IFT88: variants seen among roughly 807,000 people sequenced by gnomAD.
IFT88 encodes the protein intraflagellar transport protein 88 homolog.
IFT88 carries 74 observed loss-of-function variants against 119.5 expected under a neutral mutation model. The ratio of observed to expected loss-of-function variants is 0.62; its 90% CI spans 0.51 to 0.75. IFT88 has a LOEUF of 0.75. Among genes scored for constraint, IFT88 ranks in the 30% least tolerant of loss-of-function variants. IFT88 has a pLI of 0.00. For missense variants in IFT88, 961 were observed against 977.7 expected (o/e 0.98, Z 0.23); for synonymous variants, 279 against 316.7 (o/e 0.88, Z 1.26).
chr13:20,636,371 C>T (rs948158826), intron 16 of IFT88, among the ~76,000 whole-genome samples: 19 of 152,206 alleles, frequency 1.2e-4, no homozygotes, highest in African/African-American at 4.6e-4. Context: ...TTATTTTCTA[C>T]CTTAGCAAGT....
intron 16 of IFT88, chr13:20,631,913 G>A (rs1022371274): frequency 8.5e-5 from 13 of 152,154 alleles, no homozygotes; most frequent in Admixed American, 7.9e-4. Flanking sequence ...TTGGGAGGCT[G>A]AGGTGTGTGA....
intron 3 of IFT88, among the ~76,000 whole-genome samples, chr13:20,589,151 T>TA (rs1007197207): frequency 2.9e-4 from 44 of 151,442 alleles, no homozygotes; most frequent in African/African-American, 1.0e-3. Flanking sequence ...TATTCACACT[T>TA]AAAAAAAAAT....
intron 14 of IFT88, among the ~76,000 whole-genome samples, chr13:20,618,962 T>C (rs574068279): frequency 2.0e-5 from 3 of 151,984 alleles, no homozygotes; most frequent in Non-Finnish European, 4.4e-5. Flanking sequence ...GTCCACGCTA[T>C]TCTCCTGCCT....
intron 15 of IFT88, among the ~76,000 whole-genome samples, chr13:20,630,598 G>A (rs977126100): frequency 1.3e-5 from 2 of 151,654 alleles, no homozygotes; most frequent in African/African-American, 4.8e-5. Context: ...AGAGTCTCAC[G>A]CCTATGCCCA....
chr13:20,582,126 A>T (rs926061404), intron 2 of IFT88, among the ~76,000 whole-genome samples: 4 of 152,166 alleles, frequency 2.6e-5, no homozygotes, highest in African/African-American at 9.7e-5. Context: ...CTGAAGGGTT[A>T]AAGCCGGAGT....
intron 22 of IFT88, among the ~76,000 whole-genome samples, chr13:20,656,973 C>T (rs1436547655): frequency 1.3e-5 from 2 of 152,144 alleles, no homozygotes; most frequent in African/African-American, 2.4e-5. Flanking sequence ...ATTCTCCTGC[C>T]TCAGCCTCCC....
chr13:20,597,684 C>T lies in IFT88; in HGVS notation c.594+565C>T, dbSNP rs867566385. Reference sequence around the variant, plus strand: ...GCGTGAACCCGGGAGGCGGAGCTTGCGGCGAGCCAAGATCTTGCCACCACA... The same window carrying T: ...GCGTGAACCCGGGAGGCGGAGCTTGTGGCGAGCCAAGATCTTGCCACCACA... On this transcript the variant is annotated intron_variant, in intron 9 of 25. Transcript: ENST00000351808. 1.3e-3 allele frequency among the ~76,000 whole-genome samples: 198 copies of T among 151,262 alleles called. 2 individuals are homozygous for T. Among genetic ancestry groups the T allele is most frequent in the African/African-American group, 4.2e-3 (175 of 41,260 alleles).
rs183911276 is a variant in IFT88, at chr13:20,639,466, G to A, written c.1573+948G>A. On this transcript the variant is annotated intron_variant, in intron 17 of 25. Transcript: ENST00000351808. ...TTAATCTCCTGCCTGAAGGAGGAGGGAAGGCCTACTGCCAACCTTGAAGAA... is the reference window on the plus strand; with the variant it reads ...TTAATCTCCTGCCTGAAGGAGGAGGAAAGGCCTACTGCCAACCTTGAAGAA... Among the ~76,000 whole-genome samples, 571 of 152,268 alleles carry A rather than the reference G, an allele frequency of 3.7e-3. 4 individuals carry two copies. Among genetic ancestry groups the A allele is most frequent in the Middle Eastern group, 6.8e-3 (2 of 294 alleles).
At chr13:20,603,216 A>G (rs932113385) in intron 12 of IFT88, among the ~76,000 whole-genome samples, 1 of 152,006 alleles carries the variant, frequency 6.6e-6, no homozygotes, top group South Asian at 2.1e-4. Context: ...TGAACTTTTA[A>G]TAGATTTTCT....
chr13:20,644,040 G>T (rs1258587018), intron 19 of IFT88, among the ~76,000 whole-genome samples: 1 of 152,052 alleles, frequency 6.6e-6, no homozygotes, highest in Non-Finnish European at 1.5e-5. Context: ...ACCACGCCAG[G>T]CCTGAAGTTA....
chr13:20,596,175 G>C lies in IFT88; in HGVS notation c.424G>C (p.Glu142Gln). 2 of 1,548,012 alleles carry C rather than the reference G, an allele frequency of 1.3e-6. No homozygotes were observed. Among genetic ancestry groups the C allele is most frequent in the Non-Finnish European group, 1.8e-6 (2 of 1,138,488 alleles). ...DSPEEKIKQL[E>Q]KEVNELVEES... ...CCCAGAGGAAAAAATAAAGCAATTA[G>C]AGAAGGAAGTAAATGAGTTGGTAGA... Residue 142 changes from glutamate (E) to glutamine (Q), a missense_variant, in exon 8 of 26, where the codon GAG becomes CAG. By Grantham distance (29) the Glu-to-Gln change is conservative. Coordinates refer to ENST00000351808, the MANE Select transcript of IFT88 (RefSeq NM_006531.5).
chr13:20,691,092 C>T lies in IFT88; in HGVS notation c.2392C>T (p.Arg798Ter), dbSNP rs751249957. 1 of 1,613,886 alleles carries T rather than the reference C, an allele frequency of 6.2e-7. No homozygotes were observed. Among genetic ancestry groups the T allele is most frequent in the Non-Finnish European group, 8.5e-7 (1 of 1,179,890 alleles). ...GGACCCACTTGGCCCTCAAATAGAA[C>T]GACCAAAAACTGCAGCCAAGAAAAG... is the stretch of plus-strand genomic sequence containing the variant. ...YVDPLGPQIE[R>*]PKTAAKKRID... The change falls in exon 26 of 26, where the codon CGA (arginine) becomes TGA (stop). Residue 798 changes from arginine (R) to a stop codon, truncating the protein, a stop_gained. Transcript: ENST00000351808. LOFTEE classifies it high-confidence loss of function.
At chr13:20,616,042 A>G (rs1251829200) in intron 14 of IFT88, among the ~76,000 whole-genome samples, 163 bp downstream of exon 14, 4 of 152,234 alleles carry the variant, frequency 2.6e-5, no homozygotes, top group African/African-American at 9.6e-5. Flanking sequence ...CTATTATAAA[A>G]GTTATTAATA....
intron 24 of IFT88, among the ~76,000 whole-genome samples, chr13:20,684,731 C>T (rs376973665): frequency 1.3e-5 from 2 of 152,356 alleles, no homozygotes; most frequent in East Asian, 1.9e-4. Flanking sequence ...ACTCAAGCCT[C>T]GTGCCTGCTC....
rs1269198666 is a variant in IFT88, at chr13:20,601,755, A to T, written c.863A>T (p.Tyr288Phe). 6.2e-7 allele frequency: 1 copy of T among 1,613,214 alleles called. No individual in the cohort carries two copies. The highest frequency in any genetic ancestry group is 8.5e-7 in the Non-Finnish European group (1 of 1,179,304). Residue 288 changes from tyrosine to phenylalanine, a missense_variant, in exon 12 of 26, where the codon TAT (tyrosine) becomes TTT (phenylalanine). By Grantham distance (22) the Tyr-to-Phe change is conservative. Coordinates refer to ENST00000351808, the MANE Select transcript of IFT88 (RefSeq NM_006531.5). Reference protein sequence around the residue: ...IGVTFIQAGQYSDAINSYEHI... With the variant: ...IGVTFIQAGQFSDAINSYEHI... ...GTTACATTTATTCAGGCTGGTCAGTATTCAGATGCTATTAATTCATATGAG... is the reference window on the plus strand; with the variant it reads ...GTTACATTTATTCAGGCTGGTCAGTTTTCAGATGCTATTAATTCATATGAG...
At chr13:20,657,569 G>T (rs2140662341) in intron 22 of IFT88, among the ~76,000 whole-genome samples, 1 of 152,256 alleles carries the variant, frequency 6.6e-6, no homozygotes, top group East Asian at 1.9e-4. Context: ...AGACACAGTA[G>T]ATACTTTCTT....
chr13:20,663,575 T>C lies in IFT88; in HGVS notation c.2146T>C (p.Leu716=), dbSNP rs1445674871. ...AQEYARKLKR[L]EKMKEIREQR... ...AGAATATGCCAGAAAACTGAAGAGG[T>C]TGGAAAAAATGAAAGAAATAAGGGA... Residue 716 remains leucine (L), a synonymous_variant, in exon 23 of 26, where the codon TTG becomes CTG. Coordinates refer to ENST00000351808, the MANE Select transcript of IFT88 (RefSeq NM_006531.5). The C allele has an allele frequency of 3.7e-6, 6 of 1,613,414 alleles. No individual in the cohort carries two copies. Among genetic ancestry groups the C allele is most frequent in the Admixed American group, 1.7e-5 (1 of 59,964 alleles).
chr13:20,643,950 G>A (rs759093272), intron 19 of IFT88, among the ~76,000 whole-genome samples: 40 of 152,106 alleles, frequency 2.6e-4, no homozygotes, highest in Non-Finnish European at 4.7e-4. Flanking sequence ...GGGGTGTTTT[G>A]CCATCTTGGC....
intron 14 of IFT88, 35 bp downstream of exon 14, chr13:20,615,914 G>A: frequency 8.4e-7 from 1 of 1,196,068 alleles, no homozygotes; most frequent in East Asian, 2.6e-5. Context: ...GCATAGATGT[G>A]GTTTTTTTCA....
Sources: allele counts gnomAD v4.1 joint callset (sites outside exome capture counted in the v4.1 genomes callset), GRCh38; gene constraint gnomAD v4.1.1; transcripts MANE v1.5; gene names NCBI Gene and HGNC (gene_info 2026-07-23, HGNC 2026-07-21).